RASGRF2: variants seen among roughly 807,000 people sequenced by gnomAD.
The protein encoded by RASGRF2 is ras-specific guanine nucleotide-releasing factor 2.
RASGRF2 carries 76 observed loss-of-function variants against 151.0 expected under a neutral mutation model. That is an observed-to-expected ratio of 0.50 (90% CI 0.42 to 0.61). RASGRF2 has a LOEUF of 0.61. Ranked by LOEUF, RASGRF2 falls within the 20% of genes least tolerant of loss-of-function variation. The probability of loss-of-function intolerance (pLI) is 0.00; values close to 1 mark genes in which losing one functional copy is unlikely to be tolerated. For synonymous variants in RASGRF2, 504 were observed against 566.5 expected, an observed-to-expected ratio of 0.89 and a Z score of 1.57; for missense variants, 1,148 against 1,564.6, an observed-to-expected ratio of 0.73 and a Z score of 4.49.
At chr5:81,110,804 A>C (rs1450750363) in intron 13 of RASGRF2, among the ~76,000 whole-genome samples, 3 of 152,220 alleles carry the variant, frequency 2.0e-5, no homozygotes, top group Non-Finnish European at 4.4e-5. Context: ...GCAAATTAAG[A>C]ACCAGAAAAA....
chr5:81,003,414 A>G (rs6453536), intron 1 of RASGRF2, among the ~76,000 whole-genome samples: 23,826 of 151,962 alleles, frequency 0.16, 1,924 homozygotes, highest in African/African-American at 0.18. Flanking sequence ...TAGTAGAGAC[A>G]GGGTTTCACC....
At chr5:80,972,781 TTC>T (rs1747981430) in intron 1 of RASGRF2, among the ~76,000 whole-genome samples, 1 of 152,180 alleles carries the variant, frequency 6.6e-6, no homozygotes, top group Non-Finnish European at 1.5e-5. Flanking sequence ...CACCAGCCTG[TTC>T]TCTGTTTCGA....
chr5:81,181,351 C>A (rs992645062), intron 18 of RASGRF2, among the ~76,000 whole-genome samples: 1 of 152,092 alleles, frequency 6.6e-6, no homozygotes, highest in African/African-American at 2.4e-5. Flanking sequence ...GGCATTTAAG[C>A]CTCACCACAA....
chr5:81,095,484 CAG>C, intron 12 of RASGRF2, among the ~76,000 whole-genome samples: 1 of 149,936 alleles, frequency 6.7e-6, no homozygotes, highest in African/African-American at 2.4e-5. Flanking sequence ...AAATTAGGGA[CAG>C]AATTTTTACC....
intron 15 of RASGRF2, among the ~76,000 whole-genome samples, chr5:81,116,182 G>C (rs770196005): frequency 7.5e-4 from 104 of 138,346 alleles, no homozygotes; most frequent in Non-Finnish European, 1.2e-3. Context: ...TCCCAGGTTC[G>C]AGCTATTCTC....
chr5:81,041,571 A>C (rs1396164247), intron 1 of RASGRF2, among the ~76,000 whole-genome samples: 1 of 152,214 alleles, frequency 6.6e-6, no homozygotes, highest in Admixed American at 6.5e-5. Context: ...TCCTTGTTGT[A>C]AAGTTCCCCA....
chr5:81,083,884 T>C (rs1752155690), intron 7 of RASGRF2, among the ~76,000 whole-genome samples: 1 of 152,242 alleles, frequency 6.6e-6, no homozygotes, highest in Admixed American at 6.5e-5. Flanking sequence ...GTGACAAGTA[T>C]TTGCTCCATA....
At chr5:81,051,749 C>G (rs963208142) in intron 2 of RASGRF2, among the ~76,000 whole-genome samples, 1 of 152,132 alleles carries the variant, frequency 6.6e-6, no homozygotes, top group African/African-American at 2.4e-5. Context: ...GTTGTTCCCA[C>G]TTTTTGCTAG....
chr5:81,045,506 G>A (rs754010636), intron 2 of RASGRF2, among the ~76,000 whole-genome samples: 1 of 152,334 alleles, frequency 6.6e-6, no homozygotes, highest in Non-Finnish European at 1.5e-5. Flanking sequence ...CATGTGTGAT[G>A]TTGTCAGGAG....
intron 17 of RASGRF2, among the ~76,000 whole-genome samples, chr5:81,139,999 T>G (rs967845856): frequency 6.6e-6 from 1 of 152,042 alleles, no homozygotes; most frequent in Non-Finnish European, 1.5e-5. Context: ...GGCTAATTTT[T>G]TTTAGGTTTC....
chr5:81,057,210 A>C (rs1036917590), intron 2 of RASGRF2, among the ~76,000 whole-genome samples: 1 of 152,110 alleles, frequency 6.6e-6, no homozygotes, highest in South Asian at 2.1e-4. Context: ...TAGTTGATGC[A>C]GTTTCTTCCT....
intron 18 of RASGRF2, among the ~76,000 whole-genome samples, chr5:81,197,185 G>A (rs1040884455): frequency 2.6e-5 from 4 of 152,056 alleles, no homozygotes; most frequent in Admixed American, 6.5e-5. Flanking sequence ...GGCCGGGCGC[G>A]GTGGCTCACG....
chr5:81,030,586 A>G (rs944042894), intron 1 of RASGRF2, among the ~76,000 whole-genome samples: 1 of 152,234 alleles, frequency 6.6e-6, no homozygotes, highest in African/African-American at 2.4e-5. Context: ...AATCCTTTGC[A>G]GATAAGCAAA....
At chr5:80,989,898 G>C (rs532308864) in intron 1 of RASGRF2, among the ~76,000 whole-genome samples, 1 of 152,138 alleles carries the variant, frequency 6.6e-6, no homozygotes, top group African/African-American at 2.4e-5. Flanking sequence ...AGGTGAGAGG[G>C]ATGGTGAGCC....
chr5:81,217,574 CTTTTT>C (rs71603577), intron 25 of RASGRF2, 101 bp downstream of exon 25: 240 of 181,458 alleles, frequency 1.3e-3, no homozygotes, highest in East Asian at 4.6e-3. Context: ...TTTTTCTCTT[CTTTTT>C]TTTTTTTTTT....
intron 1 of RASGRF2, among the ~76,000 whole-genome samples, chr5:81,015,984 T>A (rs889970822): frequency 1.3e-5 from 2 of 152,160 alleles, no homozygotes; most frequent in Admixed American, 6.5e-5. Flanking sequence ...GGCACAACCT[T>A]ATAAAAGACT....
intron 4 of RASGRF2, among the ~76,000 whole-genome samples, chr5:81,072,590 A>G (rs1751810238): frequency 6.6e-6 from 1 of 152,236 alleles, no homozygotes; most frequent in African/African-American, 2.4e-5. Flanking sequence ...TAATTATGTT[A>G]TAATTTTTTA....
chr5:81,215,972 TATTAA>T lies in RASGRF2; in HGVS notation c.3434+22_3434+26del, dbSNP rs771893360. ...CCTTAAAAAGTATGTCTATCTTAAT[TATTAA>T]ATTATTCATAATTCAGAAATATATT... On this transcript the variant is annotated intron_variant, in intron 24 of 26. Transcript: ENST00000265080. 23 of 1,484,500 alleles carry T rather than the reference TATTAA, an allele frequency of 1.5e-5. No homozygotes were observed. The highest frequency in any genetic ancestry group is 2.6e-5 in the East Asian group (1 of 38,880). 92.0% of individuals were successfully genotyped at this position (1,484,500 alleles called of 1,614,324 possible). A position where few individuals can be genotyped will look rare whatever the true frequency, so the allele number is the denominator to read the frequency against.
intron 25 of RASGRF2, 83 bp from the exon 26 acceptor site, chr5:81,219,626 GC>G (rs1162898432): frequency 2.7e-6 from 3 of 1,120,668 alleles, no homozygotes; most frequent in Non-Finnish European, 4.0e-6. Flanking sequence ...CTGGGAAGAG[GC>G]CTCAGAAGAA....
Sources: gnomAD v4.1 joint callset for allele counts (sites outside exome capture counted in the v4.1 genomes callset) on GRCh38, gnomAD v4.1.1 for gene constraint, MANE v1.5 for transcripts, NCBI Gene and HGNC (gene_info 2026-07-23, HGNC 2026-07-21) for gene names.